The following DMD variants were observed in gnomAD, a reference collection of about 807,000 sequenced individuals.
DMD encodes mutant dystrophin.
A neutral mutation model predicts 330.1 loss-of-function variants in DMD; 63 were observed. The observed-to-expected ratio is 0.19, with a 90% CI of 0.16 to 0.24. The LOEUF (loss-of-function observed/expected upper bound fraction) is 0.24. Ranked by LOEUF, DMD falls within the 10% of genes least tolerant of loss-of-function variation. The probability of loss-of-function intolerance (pLI) is 1.00; values close to 1 mark genes in which losing one functional copy is unlikely to be tolerated. For synonymous variants in DMD, 1,223 were observed against 959.8 expected (o/e 1.27, Z -5.07); for missense variants, 3,344 against 2,684.1 (o/e 1.25, Z -5.43).
At chrX:32,866,751 G>T (rs2082537884) in intron 2 of DMD, among the ~76,000 whole-genome samples, 3 of 86,988 alleles carry the variant, frequency 3.4e-5, no homozygotes, top group South Asian at 8.7e-4. Flanking sequence ...GTGGGGGGGG[G>T]GGGACAGAGT....
At chrX:32,641,248 T>A (rs1311942149) in intron 11 of DMD, among the ~76,000 whole-genome samples, 1 of 110,382 alleles carries the variant, frequency 9.1e-6, no homozygotes, top group Non-Finnish European at 1.9e-5. Flanking sequence ...TTTCTTGTGT[T>A]CTTTTTTTTC....
At chrX:32,855,239 C>T (rs1028842457) in intron 2 of DMD, among the ~76,000 whole-genome samples, 3 of 112,007 alleles carry the variant, frequency 2.7e-5, no homozygotes, top group African/African-American at 9.7e-5. Flanking sequence ...GGAAAAACTA[C>T]AAGACTTTTC....
intron 44 of DMD, among the ~76,000 whole-genome samples, chrX:32,172,923 T>C (rs1204580575): frequency 9.0e-6 from 1 of 111,542 alleles, no homozygotes; most frequent in Non-Finnish European, 1.9e-5. Context: ...TAGAGGTATC[T>C]TGGAATACAC....
At position 31,657,970 on chromosome X, in the gene DMD, A is replaced by C; in HGVS notation, c.8027+20T>G. 1 of 1,197,423 alleles carries C rather than the reference A, an allele frequency of 8.4e-7. No homozygotes were observed. The highest frequency in any genetic ancestry group is 1.1e-6 in the Non-Finnish European group (1 of 882,626). ...CATTATTACAGCCAACAGTAGTTTT[A>C]GAAATAATGTAATTCATACCTTTTA... On this transcript the variant is annotated intron_variant, in intron 54 of 78. Coordinates refer to ENST00000357033, the MANE Select transcript of DMD (RefSeq NM_004006.3).
At chrX:31,377,957 CT>C (rs1164249570) in intron 60 of DMD, among the ~76,000 whole-genome samples, 1 of 110,934 alleles carries the variant, frequency 9.0e-6, no homozygotes, top group Admixed American at 9.6e-5. Flanking sequence ...AGCTTCCCCA[CT>C]GAGCACCTTG....
In DMD at chrX:32,372,726, G is replaced by A. The variant is rs138808184; in HGVS notation, c.4846-7527C>T. Among the ~76,000 whole-genome samples the A allele has an allele frequency of 2.3e-4, 25 of 110,708 alleles. No individual in the cohort carries two copies. The East Asian group carries it at 6.5e-3, about 29-fold the overall frequency. On this transcript the variant is annotated intron_variant, in intron 34 of 78. Coordinates refer to ENST00000357033, the MANE Select transcript of DMD (RefSeq NM_004006.3). ...GGTGAATTTAAAAATACAGTGAAAG[G>A]GCTATGTCGCTGTAGGAAGTTGCAA...
intron 44 of DMD, among the ~76,000 whole-genome samples, chrX:32,027,161 C>CGT: frequency 1.9e-5 from 1 of 53,072 alleles, no homozygotes; most frequent in Non-Finnish European, 3.3e-5. Context: ...CACACACGCA[C>CGT]GTGCACACAC....
chrX:31,365,700 G>A lies in DMD; in HGVS notation c.9085-17066C>T, dbSNP rs140423678. Among the ~76,000 whole-genome samples, 209 of 112,187 alleles carry A rather than the reference G, an allele frequency of 1.9e-3. 2 individuals carry two copies. The East Asian group carries it at 0.044, about 24-fold the overall frequency. On this transcript the variant is annotated intron_variant, in intron 60 of 78. Coordinates refer to ENST00000357033, the MANE Select transcript of DMD (RefSeq NM_004006.3). ...TCTGGGCAGCTGCCCCTTTTACTCC[G>A]TCTAGAAGAAGGTACCTTACATTTT...
intron 18 of DMD, among the ~76,000 whole-genome samples, chrX:32,515,467 G>C (rs1026533487): frequency 7.2e-5 from 8 of 111,218 alleles, no homozygotes; most frequent in African/African-American, 2.6e-4. Context: ...CGACTTGATA[G>C]GGAGGGTTTC....
chrX:33,066,481 A>AAGGAAAC (rs1479754580), intron 1 of DMD, among the ~76,000 whole-genome samples: 20 of 81,694 alleles, frequency 2.4e-4, no homozygotes, highest in African/African-American at 1.2e-3. Flanking sequence ...AGGAAGGAAA[A>AAGGAAAC]AGAAAAGAAA....
intron 55 of DMD, among the ~76,000 whole-genome samples, chrX:31,609,419 G>A (rs1392411527): frequency 9.0e-6 from 1 of 110,950 alleles, no homozygotes; most frequent in African/African-American, 3.2e-5. Flanking sequence ...ATGAGATTTA[G>A]TCACTTCCTG....
chrX:32,078,519 C>G (rs893830828), intron 44 of DMD, among the ~76,000 whole-genome samples: 1 of 112,415 alleles, frequency 8.9e-6, no homozygotes, highest in Non-Finnish European at 1.9e-5. Context: ...ACGAACAAGT[C>G]TTTATATGAG....
intron 1 of DMD, among the ~76,000 whole-genome samples, chrX:33,046,317 T>C (rs1474448269): frequency 8.9e-6 from 1 of 111,873 alleles, no homozygotes; most frequent in Non-Finnish European, 1.9e-5. Flanking sequence ...AAATACCATT[T>C]TTAGCCCACT....
chrX:31,730,242 T>C (rs1006137211), intron 51 of DMD, among the ~76,000 whole-genome samples: 3 of 112,137 alleles, frequency 2.7e-5, no homozygotes, highest in African/African-American at 6.5e-5. Context: ...AAAGGTGAAG[T>C]AGACGAGCTA....
chrX:31,341,891 G>GCGCGCGCGCGCGCACACACA (rs374298104), intron 61 of DMD, among the ~76,000 whole-genome samples: 1 of 98,876 alleles, frequency 1.0e-5, no homozygotes, highest in Non-Finnish European at 2.0e-5. Context: ...GTGCGCGCGC[G>GCGCGCGCGCGCGCACACACA]CACACACACA....
At chrX:32,274,135 T>A (rs2097375967) in intron 43 of DMD, among the ~76,000 whole-genome samples, 1 of 111,712 alleles carries the variant, frequency 9.0e-6, no homozygotes, top group Admixed American at 9.6e-5. Context: ...GCTAGTCCTA[T>A]GGACACAAAA....
intron 1 of DMD, among the ~76,000 whole-genome samples, chrX:33,206,280 C>A (rs1245243555): frequency 9.0e-6 from 1 of 111,657 alleles, no homozygotes; most frequent in Non-Finnish European, 1.9e-5. Flanking sequence ...AATTTATGGA[C>A]AATTATTTTC....
chrX:32,255,018 T>A lies in DMD; in HGVS notation c.6290+32511A>T, dbSNP rs1013910266. Among the ~76,000 whole-genome samples, 15 of 111,892 alleles carry A rather than the reference T, an allele frequency of 1.3e-4. No individual in the cohort carries two copies. In the Admixed American group the frequency reaches 1.4e-3, roughly 11 times the overall value. On this transcript the variant is annotated intron_variant, in intron 43 of 78. Transcript: ENST00000357033. ...GCTCATTTCCCCTACCCCTCCCTGG[T>A]CCCTGGCAACCATGCAACTATTTGT...
At chrX:31,622,901 C>CACAT (rs2078634184) in intron 55 of DMD, among the ~76,000 whole-genome samples, 3 of 104,047 alleles carry the variant, frequency 2.9e-5, no homozygotes, top group Non-Finnish European at 5.9e-5. Flanking sequence ...CACACACACA[C>CACAT]ACACATATAT....
Sources: allele counts gnomAD v4.1 joint callset (sites outside exome capture counted in the v4.1 genomes callset), GRCh38; gene constraint gnomAD v4.1.1; transcripts MANE v1.5; gene names NCBI Gene and HGNC (gene_info 2026-07-23, HGNC 2026-07-21).